Variants in DZIP1 observed in about 807,000 individuals in gnomAD.
DZIP1 encodes the protein cilium assembly protein DZIP1.
DZIP1 carries 97 observed loss-of-function variants against 107.6 expected under a neutral mutation model. The observed-to-expected ratio is 0.90, with a 90% CI of 0.77 to 1.07. The LOEUF (loss-of-function observed/expected upper bound fraction) is 1.07, where lower values mean the gene tolerates loss of function less well. DZIP1 is among the 50% of genes least tolerant of loss of function. DZIP1 has a pLI of 0.00. For missense variants in DZIP1, 1,035 were observed against 1,063.6 expected, an observed-to-expected ratio of 0.97 and a Z score of 0.37; for synonymous variants, 390 against 386.4, an observed-to-expected ratio of 1.01 and a Z score of -0.11.
chr13:95,617,887 C>T, intron 10 of DZIP1: 6 of 518,634 alleles, frequency 1.2e-5, no homozygotes, highest in East Asian at 1.1e-4. Context: ...TAGAGTGGGC[C>T]CTGCAGACAG....
chr13:95,610,865 T>C (rs571773706), intron 12 of DZIP1, among the ~76,000 whole-genome samples: 1 of 152,214 alleles, frequency 6.6e-6, no homozygotes, highest in African/African-American at 2.4e-5. Flanking sequence ...CTCTGTCTCA[T>C]GCATTAGCTG....
chr13:95,632,641 C>T (rs995239466), intron 6 of DZIP1, among the ~76,000 whole-genome samples: 12 of 152,178 alleles, frequency 7.9e-5, no homozygotes, highest in Non-Finnish European at 1.5e-5. Context: ...CTAAAATCCT[C>T]CAGTGGCTCC....
intron 12 of DZIP1, among the ~76,000 whole-genome samples, chr13:95,610,111 T>TGAGAGAGAGAGAGAGAGAGAGAGAGAGA (rs1555308785): frequency 7.9e-6 from 1 of 126,666 alleles, no homozygotes; most frequent in Admixed American, 7.8e-5. Context: ...TGTGTGTGTG[T>TGAGAGAGAGAGAGAGAGAGAGAGAGAGA]GAGAGAGAGA....
intron 9 of DZIP1, among the ~76,000 whole-genome samples, chr13:95,621,598 G>T (rs1489491873): frequency 6.6e-6 from 1 of 150,734 alleles, no homozygotes; most frequent in African/African-American, 2.4e-5. Context: ...CCCCTAAACC[G>T]CTGTCACTTC....
chr13:95,618,120 G>A (rs1488803641), intron 10 of DZIP1: 1 of 490,876 alleles, frequency 2.0e-6, no homozygotes, highest in Non-Finnish European at 4.1e-6. Context: ...TCCACACACA[G>A]CCCTAATCCC....
At chr13:95,593,192 ACATAT>A (rs1594654369) in intron 16 of DZIP1, among the ~76,000 whole-genome samples, 1 of 152,248 alleles carries the variant, frequency 6.6e-6, no homozygotes, top group Non-Finnish European at 1.5e-5. Flanking sequence ...ATGTGTATAC[ACATAT>A]CATATACACA....
At chr13:95,633,724 C>T (rs996778743) in intron 5 of DZIP1, among the ~76,000 whole-genome samples, 4 of 151,176 alleles carry the variant, frequency 2.6e-5, no homozygotes, top group Admixed American at 6.6e-5. Flanking sequence ...GAAGCACTAC[C>T]TCTTGGGCGC....
At chr13:95,617,562 G>A (rs1594705406) in intron 10 of DZIP1, among the ~76,000 whole-genome samples, 1 of 152,298 alleles carries the variant, frequency 6.6e-6, no homozygotes. Flanking sequence ...GAAGGAGGTA[G>A]CCATGTGAAG....
At chr13:95,610,059 TG>T (rs2044932541) in intron 12 of DZIP1, among the ~76,000 whole-genome samples, 1 of 30,908 alleles carries the variant, frequency 3.2e-5, no homozygotes, top group Non-Finnish European at 5.2e-5. Context: ...TGGTTTAGTG[TG>T]TGTGTGTGTG....
chr13:95,633,127 G>A (rs566897685), intron 6 of DZIP1, 107 bp downstream of exon 6: 27 of 1,031,190 alleles, frequency 2.6e-5, no homozygotes, highest in African/African-American at 1.3e-4. Flanking sequence ...GACAGGGACC[G>A]TGATGCTTCT....
At chr13:95,616,322 C>G (rs74109019) in intron 10 of DZIP1, among the ~76,000 whole-genome samples, 2,758 of 152,272 alleles carry the variant, frequency 0.018, 78 homozygotes, top group African/African-American at 0.062. Flanking sequence ...CTCTGGTAAC[C>G]CTGCTCTTCT....
chr13:95,618,731 C>G (rs1875457816), intron 10 of DZIP1, among the ~76,000 whole-genome samples: 1 of 152,144 alleles, frequency 6.6e-6, no homozygotes, highest in Non-Finnish European at 1.5e-5. Context: ...TATACACATA[C>G]ATATTATATG....
chr13:95,595,712 A>T (rs1323348539), intron 15 of DZIP1, among the ~76,000 whole-genome samples: 1 of 152,024 alleles, frequency 6.6e-6, no homozygotes, highest in East Asian at 1.9e-4. Flanking sequence ...CCATTGAAAT[A>T]GACATACCCC....
chr13:95,579,159 T>G lies in DZIP1; in HGVS notation c.*3075A>C, dbSNP rs2043979931. On this transcript the variant is annotated 3_prime_UTR_variant, in exon 23 of 23. Coordinates refer to ENST00000376829, the MANE Select transcript of DZIP1 (RefSeq NM_198968.4). ...CTCAGGCATAAATGGGTTAAGGACA[T>G]CCCAAGCCCAAGTGGTACGTGCCTC... 1 of 152,076 alleles carries G rather than the reference T, an allele frequency of 6.6e-6. No individual in the cohort carries two copies. The highest frequency in any genetic ancestry group is 2.4e-5 in the African/African-American group (1 of 41,386). The allele number at this position is 152,076 out of a possible 1,614,324, so 9.4% of individuals were successfully genotyped here.
In DZIP1 at chr13:95,612,030, G is replaced by C; in HGVS notation, c.1314+7C>G. 2 of 1,612,838 alleles carry C rather than the reference G, an allele frequency of 1.2e-6. No individual in the cohort carries two copies. The highest frequency in any genetic ancestry group is 1.7e-6 in the Non-Finnish European group (2 of 1,179,834). On this transcript the variant is annotated splice_region_variant and intron_variant, in intron 11 of 22. Coordinates refer to ENST00000376829, the MANE Select transcript of DZIP1 (RefSeq NM_198968.4). ...GAAGCACGGTGCCACACTGCCGCCA[G>C]ACATACCTGCTGTCTCTGAGTTATA... is the stretch of plus-strand genomic sequence containing the variant.
At chr13:95,636,663 A>G (rs1423925447) in intron 5 of DZIP1, among the ~76,000 whole-genome samples, 3 of 152,152 alleles carry the variant, frequency 2.0e-5, no homozygotes, top group Admixed American at 6.5e-5. Context: ...GTGAATGTAG[A>G]TTAGAAGGAA....
chr13:95,608,863 G>A (rs2044877822), intron 13 of DZIP1, among the ~76,000 whole-genome samples: 2 of 152,200 alleles, frequency 1.3e-5, no homozygotes, highest in South Asian at 4.1e-4. Context: ...CTCACAGTCA[G>A]ATCCCTGTGC....
chr13:95,611,332 C>A, intron 12 of DZIP1, 113 bp downstream of exon 12: 1 of 772,934 alleles, frequency 1.3e-6, no homozygotes, highest in South Asian at 1.7e-5. Flanking sequence ...ATCAATACAA[C>A]AAGAAGAATG....
At position 95,578,942 on chromosome 13, in the gene DZIP1, T is replaced by G. The variant is rs754647383; in HGVS notation, c.*3292A>C. On this transcript the variant is annotated 3_prime_UTR_variant, in exon 23 of 23. Transcript: ENST00000376829. ...GGGCTGAGGCGTCCCTGGCACGGAA[T>G]GCAGAGCCCTGAGCTAGGGCATCAG... 1 of 152,226 alleles carries G rather than the reference T, an allele frequency of 6.6e-6. No homozygotes were observed. The highest frequency in any genetic ancestry group is 1.5e-5 in the Non-Finnish European group (1 of 68,070). The allele number at this position is 152,226 out of a possible 1,614,324, so 9.4% of individuals were successfully genotyped here.
Sources: gnomAD v4.1 joint callset for allele counts (sites outside exome capture counted in the v4.1 genomes callset) on GRCh38, gnomAD v4.1.1 for gene constraint, MANE v1.5 for transcripts, NCBI Gene and HGNC (gene_info 2026-07-23, HGNC 2026-07-21) for gene names.